SLIT3: variants seen among roughly 807,000 people sequenced by gnomAD.
The protein encoded by SLIT3 is slit guidance ligand 3.
Under a neutral mutation model 184.0 loss-of-function variants are expected in SLIT3, and 68 were observed. The ratio of observed to expected loss-of-function variants is 0.37; its 90% CI spans 0.30 to 0.45. The LOEUF is 0.45. Among genes scored for constraint, SLIT3 ranks in the 20% least tolerant of loss-of-function variants. SLIT3 has a pLI of 1.00. For missense variants in SLIT3, 1,707 were observed against 2,026.0 expected (o/e 0.84, Z 3.02); for synonymous variants, 831 against 828.6 (o/e 1.00, Z -0.05).
chr5:168,799,178 C>T (rs1756678707), intron 9 of SLIT3, among the ~76,000 whole-genome samples: 2 of 152,174 alleles, frequency 1.3e-5, no homozygotes, highest in African/African-American at 2.4e-5. Context: ...AGTCTTTGCA[C>T]TTAGCCTAGT....
chr5:168,834,846 A>G (rs1006407375), intron 6 of SLIT3, among the ~76,000 whole-genome samples: 1 of 152,102 alleles, frequency 6.6e-6, no homozygotes. Context: ...AGGACAGGGA[A>G]GCAGACCTGG....
intron 4 of SLIT3, among the ~76,000 whole-genome samples, chr5:169,142,022 C>A (rs1313709484): frequency 2.7e-5 from 4 of 150,534 alleles, no homozygotes; most frequent in African/African-American, 9.8e-5. Context: ...TGCACTCCAG[C>A]CTGGGCGGCA....
intron 4 of SLIT3, among the ~76,000 whole-genome samples, chr5:169,093,846 T>C (rs1207857044): frequency 6.6e-6 from 1 of 152,208 alleles, no homozygotes; most frequent in African/African-American, 2.4e-5. Context: ...AAGCATGGCC[T>C]TGAAGAGGCC....
intron 26 of SLIT3, among the ~76,000 whole-genome samples, chr5:168,703,249 T>A (rs933240370): frequency 3.6e-5 from 5 of 140,636 alleles, no homozygotes; most frequent in African/African-American, 1.5e-4. Flanking sequence ...TGTGTGTGTG[T>A]GTGTGTGTGT....
chr5:168,957,660 GCAGA>G (rs1229556178), intron 4 of SLIT3, among the ~76,000 whole-genome samples: 1 of 152,232 alleles, frequency 6.6e-6, no homozygotes, highest in Non-Finnish European at 1.5e-5. Flanking sequence ...GCTGGTCAAA[GCAGA>G]CAGCTTCCAG....
At chr5:169,245,097 C>T (rs1303108121) in intron 2 of SLIT3, among the ~76,000 whole-genome samples, 1 of 152,200 alleles carries the variant, frequency 6.6e-6, no homozygotes, top group East Asian at 1.9e-4. Flanking sequence ...TTTATAAAAA[C>T]CACACATAGA....
At chr5:169,018,687 G>A (rs1486631984) in intron 4 of SLIT3, 3 of 152,146 alleles carry the variant, frequency 2.0e-5, no homozygotes, top group Non-Finnish European at 4.4e-5. Context: ...GGTGAACTGT[G>A]GAAACACTGT....
intron 16 of SLIT3, among the ~76,000 whole-genome samples, chr5:168,757,724 C>A (rs908550771): frequency 3.3e-5 from 5 of 152,152 alleles, no homozygotes; most frequent in Admixed American, 3.3e-4. Flanking sequence ...CGTGAGCCAC[C>A]GTGCCCAACC....
intron 2 of SLIT3, among the ~76,000 whole-genome samples, chr5:169,246,060 G>A (rs762237355): frequency 6.6e-6 from 1 of 152,150 alleles, no homozygotes. Flanking sequence ...TTTCGTTTGG[G>A]CTCGATGATA....
rs1755201913 is a variant in SLIT3, at chr5:168,762,698, G to A, written c.1460-9C>T. The A allele has an allele frequency of 6.2e-7, 1 of 1,611,742 alleles. No homozygotes were observed. Among genetic ancestry groups the A allele is most frequent in the Non-Finnish European group, 8.5e-7 (1 of 1,178,548 alleles). On this transcript the variant is annotated splice_polypyrimidine_tract_variant and intron_variant, in intron 14 of 35. Coordinates refer to ENST00000519560, the MANE Select transcript of SLIT3 (RefSeq NM_003062.4). ...GCGGTAATCCTCGGAGCCTGGGAGG[G>A]GCCAAAGAGGGGACGTCAGCGTCAC...
At chr5:168,747,621 G>C (rs772776050) in intron 20 of SLIT3, among the ~76,000 whole-genome samples, 1 of 152,078 alleles carries the variant, frequency 6.6e-6, no homozygotes. Context: ...CTTTCCTGGG[G>C]GGCAGAAATA....
At chr5:169,270,611 A>T (rs542167493) in intron 1 of SLIT3, among the ~76,000 whole-genome samples, 4 of 152,178 alleles carry the variant, frequency 2.6e-5, no homozygotes, top group Non-Finnish European at 5.9e-5. Context: ...CAGAGCCTAA[A>T]TATACATGTA....
At chr5:168,958,369 A>G (rs1020346783) in intron 4 of SLIT3, among the ~76,000 whole-genome samples, 1 of 152,166 alleles carries the variant, frequency 6.6e-6, no homozygotes, top group African/African-American at 2.4e-5. Context: ...AGATATATTC[A>G]TGTCCAGCTG....
chr5:169,101,123 C>A (rs1305376902), intron 4 of SLIT3, among the ~76,000 whole-genome samples: 1 of 152,192 alleles, frequency 6.6e-6, no homozygotes, highest in Non-Finnish European at 1.5e-5. Context: ...AGTGTTTCCA[C>A]TTTGATGGTC....
At chr5:169,011,036 G>A (rs545337334) in intron 4 of SLIT3, among the ~76,000 whole-genome samples, 6 of 152,138 alleles carry the variant, frequency 3.9e-5, no homozygotes, top group South Asian at 2.1e-4. Context: ...ATTATTTCCA[G>A]AAAGAAGAGC....
intron 4 of SLIT3, among the ~76,000 whole-genome samples, chr5:169,153,470 T>C (rs1762194910): frequency 1.3e-5 from 2 of 152,256 alleles, no homozygotes; most frequent in Admixed American, 6.5e-5. Flanking sequence ...GACTGTATTT[T>C]ATTTGAGCAG....
At chr5:168,677,346 C>T (rs758379305) in intron 32 of SLIT3, among the ~76,000 whole-genome samples, 4 of 152,010 alleles carry the variant, frequency 2.6e-5, no homozygotes, top group East Asian at 1.9e-4. Context: ...GTGCAATCAT[C>T]GCTCACTGCA....
At chr5:168,743,972 G>C (rs1441469334) in intron 20 of SLIT3, among the ~76,000 whole-genome samples, 2 of 152,194 alleles carry the variant, frequency 1.3e-5, no homozygotes, top group East Asian at 1.9e-4. Flanking sequence ...TTTGAAGCTA[G>C]CAATAGTTGG....
chr5:168,696,274 C>G lies in SLIT3; in HGVS notation c.3082+18G>C. On this transcript the variant is annotated intron_variant, in intron 28 of 35. Transcript: ENST00000519560. ...ACACCCCTCCACCCCACCATACATA[C>G]AGTCATGAGATCCTTACCTGTGTAG... The G allele has an allele frequency of 1.9e-6, 3 of 1,614,108 alleles. No homozygotes were observed. The highest frequency in any genetic ancestry group is 2.5e-6 in the Non-Finnish European group (3 of 1,179,972).
Sources: gnomAD v4.1 joint callset for allele counts (sites outside exome capture counted in the v4.1 genomes callset) on GRCh38, gnomAD v4.1.1 for gene constraint, MANE v1.5 for transcripts, NCBI Gene and HGNC (gene_info 2026-07-23, HGNC 2026-07-21) for gene names.